Variants in DACH2 observed in about 807,000 individuals in gnomAD.
DACH2 encodes dachshund family transcription factor 2.
In DACH2, 17 loss-of-function variants were observed where a neutral mutation model predicts 35.8. The observed-to-expected ratio is 0.48, with a 90% confidence interval of 0.33 to 0.71. The LOEUF is 0.71. DACH2 is among the 30% of genes least tolerant of loss of function. The pLI is 0.02. For missense variants in DACH2, 469 were observed against 472.7 expected (o/e 0.99, Z 0.07); for synonymous variants, 195 against 177.3 (o/e 1.10, Z -0.79).
chrX:86,801,521 G>C (rs1461154615), intron 7 of DACH2, among the ~76,000 whole-genome samples: 1 of 112,289 alleles, frequency 8.9e-6, no homozygotes, highest in Non-Finnish European at 1.9e-5. Flanking sequence ...AGAACTGTCT[G>C]TCATTAGTAC....
At chrX:86,479,428 T>C (rs1008969999) in intron 2 of DACH2, among the ~76,000 whole-genome samples, 7 of 111,395 alleles carry the variant, frequency 6.3e-5, no homozygotes, top group African/African-American at 2.3e-4. Context: ...CCATATCAGT[T>C]TGATTATTAA....
chrX:86,698,667 T>A (rs1209359536), intron 5 of DACH2, among the ~76,000 whole-genome samples: 1 of 105,621 alleles, frequency 9.5e-6, no homozygotes, highest in Non-Finnish European at 1.9e-5. Flanking sequence ...CCCCAGTAGC[T>A]GGGACTACAA....
chrX:86,541,536 G>T (rs1013746711), intron 3 of DACH2, among the ~76,000 whole-genome samples: 4 of 111,129 alleles, frequency 3.6e-5, no homozygotes, highest in African/African-American at 9.8e-5. Flanking sequence ...TTTATGAAAA[G>T]ATAACCCAGG....
intron 1 of DACH2, among the ~76,000 whole-genome samples, chrX:86,365,336 T>TAAA (rs371019386): frequency 9.9e-6 from 1 of 101,282 alleles, no homozygotes; most frequent in Non-Finnish European, 2.0e-5. Flanking sequence ...AACTTGCATG[T>TAAA]AAAAAAAAAA....
intron 3 of DACH2, among the ~76,000 whole-genome samples, chrX:86,546,407 T>TCTTCTTCTTC (rs1569435809): frequency 5.7e-5 from 5 of 87,341 alleles, no homozygotes; most frequent in East Asian, 3.9e-4. Flanking sequence ...TCTTCTTCCT[T>TCTTCTTCTTC]CTTCTTCTTC....
chrX:86,827,840 G>A (rs904032869), intron 11 of DACH2: 12 of 1,107,676 alleles, frequency 1.1e-5, no homozygotes, highest in African/African-American at 1.8e-5. Flanking sequence ...TGCTTATCTA[G>A]TGTTGTAAAT....
intron 3 of DACH2, among the ~76,000 whole-genome samples, chrX:86,625,229 T>C (rs1329307171): frequency 2.1e-5 from 2 of 95,336 alleles, no homozygotes; most frequent in African/African-American, 5.3e-5. Context: ...TGTGTGTGTG[T>C]GTGTGTGTGT....
At chrX:86,417,799 A>T (rs1477936115) in intron 2 of DACH2, among the ~76,000 whole-genome samples, 2 of 111,250 alleles carry the variant, frequency 1.8e-5, no homozygotes, top group Admixed American at 1.9e-4. Context: ...GTCTTAACTC[A>T]TTTCAGAATT....
intron 3 of DACH2, among the ~76,000 whole-genome samples, chrX:86,620,527 G>A (rs2040056871): frequency 9.0e-6 from 1 of 111,490 alleles, no homozygotes; most frequent in Admixed American, 9.6e-5. Flanking sequence ...TAACATATTG[G>A]TCCATTTTCT....
chrX:86,411,684 T>A (rs1199827438), intron 2 of DACH2, among the ~76,000 whole-genome samples: 2 of 111,860 alleles, frequency 1.8e-5, no homozygotes, highest in Non-Finnish European at 3.8e-5. Context: ...ATTTTCTTAG[T>A]ACAAGCGTAT....
intron 3 of DACH2, among the ~76,000 whole-genome samples, chrX:86,518,672 G>A (rs1333912373): frequency 1.8e-5 from 2 of 111,668 alleles, no homozygotes; most frequent in Non-Finnish European, 3.8e-5. Context: ...GAATGGGATT[G>A]CCTTTCTGAT....
rs199771812 is a variant in DACH2 at position 86,832,102 on chromosome X, T to A, written c.1751-4T>A. 1.7e-6 allele frequency: 2 copies of A among 1,172,746 alleles called. No individual in the cohort carries two copies. Among genetic ancestry groups the A allele is most frequent in the Non-Finnish European group, 2.3e-6 (2 of 864,071 alleles). On this transcript the variant is annotated splice_polypyrimidine_tract_variant and splice_region_variant and intron_variant, in intron 11 of 11. Transcript: ENST00000373125. ...AGAACTAACTTGTTTTCTTTTTTTTTAAGGAGGTAACTATTACTGTTTAGA... is the reference window on the plus strand; with the variant it reads ...AGAACTAACTTGTTTTCTTTTTTTTAAAGGAGGTAACTATTACTGTTTAGA...
chrX:86,478,549 T>TG (rs1314195115), intron 2 of DACH2, among the ~76,000 whole-genome samples: 1 of 107,409 alleles, frequency 9.3e-6, no homozygotes, highest in Non-Finnish European at 1.9e-5. Context: ...TTTCTTTTTT[T>TG]TTTTTTTTTT....
intron 2 of DACH2, among the ~76,000 whole-genome samples, chrX:86,464,009 G>A (rs1376205072): frequency 1.8e-5 from 2 of 111,491 alleles, no homozygotes; most frequent in Non-Finnish European, 3.8e-5. Context: ...TCATTAAAAA[G>A]TCAAGAAACA....
At chrX:86,314,095 TC>T (rs2034851667) in intron 1 of DACH2, among the ~76,000 whole-genome samples, 1 of 109,946 alleles carries the variant, frequency 9.1e-6, no homozygotes, top group Non-Finnish European at 1.9e-5. Flanking sequence ...TTAATCTCTC[TC>T]CCTCTCCTTG....
intron 1 of DACH2, among the ~76,000 whole-genome samples, chrX:86,231,768 G>A (rs557474245): frequency 1.8e-5 from 2 of 112,219 alleles, no homozygotes; most frequent in African/African-American, 3.2e-5. Flanking sequence ...TTTTCATCCC[G>A]CTCAAATTGT....
chrX:86,201,842 G>C (rs2032165081), intron 1 of DACH2, among the ~76,000 whole-genome samples: 1 of 110,526 alleles, frequency 9.0e-6, no homozygotes, highest in South Asian at 3.8e-4. Context: ...CTTCCTTCTA[G>C]TAAGAGTCAA....
chrX:86,593,186 T>C (rs764446098), intron 3 of DACH2, among the ~76,000 whole-genome samples: 1 of 110,319 alleles, frequency 9.1e-6, no homozygotes, highest in East Asian at 2.9e-4. Flanking sequence ...GTTGAATAGA[T>C]TTTTCTCTAT....
intron 1 of DACH2, among the ~76,000 whole-genome samples, chrX:86,228,672 G>T (rs2032881308): frequency 9.0e-6 from 1 of 110,955 alleles, no homozygotes; most frequent in Non-Finnish European, 1.9e-5. Flanking sequence ...GGAGTAAGGA[G>T]GTATTATATT....
Sources: allele counts gnomAD v4.1 joint callset (sites outside exome capture counted in the v4.1 genomes callset), GRCh38; gene constraint gnomAD v4.1.1; transcripts MANE v1.5; gene names NCBI Gene and HGNC (gene_info 2026-07-23, HGNC 2026-07-21).